Variants in NRCAM observed in about 807,000 individuals in gnomAD.
NRCAM encodes the protein neuronal cell adhesion molecule.
A neutral mutation model predicts 156.5 loss-of-function variants in NRCAM; 83 were observed. That is an observed-to-expected ratio of 0.53 (90% confidence interval 0.44 to 0.64). NRCAM has a LOEUF of 0.64. Among genes scored for constraint, NRCAM ranks in the 30% least tolerant of loss-of-function variants. The pLI is 0.00. For missense variants in NRCAM, 1,417 were observed against 1,597.3 expected (o/e 0.89, Z 1.92); for synonymous variants, 538 against 563.9 (o/e 0.95, Z 0.65).
chr7:108,310,324 C>T (rs2098785010), intron 3 of NRCAM, among the ~76,000 whole-genome samples: 1 of 152,172 alleles, frequency 6.6e-6, no homozygotes, highest in Non-Finnish European at 1.5e-5. Context: ...TATCAAAATG[C>T]CACCACTAGC....
intron 20 of NRCAM, among the ~76,000 whole-genome samples, chr7:108,185,171 T>G (rs536330515): frequency 6.6e-6 from 1 of 152,120 alleles, no homozygotes; most frequent in Non-Finnish European, 1.5e-5. Flanking sequence ...TTCTCTGACT[T>G]TGTAGGAAGT....
intron 32 of NRCAM, among the ~76,000 whole-genome samples, chr7:108,153,024 G>A (rs550634242): frequency 3.9e-5 from 6 of 152,044 alleles, no homozygotes; most frequent in Non-Finnish European, 7.4e-5. Context: ...TGTTGGGAGG[G>A]GAAAATCAAT....
At chr7:108,231,819 G>A (rs1038173738) in intron 7 of NRCAM, among the ~76,000 whole-genome samples, 1 of 152,040 alleles carries the variant, frequency 6.6e-6, no homozygotes, top group Non-Finnish European at 1.5e-5. Context: ...TGAAAAATGT[G>A]ACTGTTATTT....
intron 26 of NRCAM, among the ~76,000 whole-genome samples, chr7:108,177,669 GTGTATA>G (rs1563273124): frequency 1.0e-3 from 17 of 16,692 alleles, no homozygotes; most frequent in African/African-American, 1.6e-3. Flanking sequence ...ATGTATATAC[GTGTATA>G]TATATACGTG....
In NRCAM at chr7:108,195,887, A is replaced by G. The variant is rs781454134; in HGVS notation, c.1352-15T>C. 2 of 1,484,580 alleles carry G rather than the reference A, an allele frequency of 1.3e-6. No individual in the cohort carries two copies. The highest frequency in any genetic ancestry group is 2.3e-5 in the East Asian group (1 of 43,798). The allele number at this position is 1,484,580 out of a possible 1,614,324, so 92.0% of individuals were successfully genotyped here. On this transcript the variant is annotated splice_polypyrimidine_tract_variant and intron_variant, in intron 14 of 32. Transcript: ENST00000379028. ...TGGTGGCTCAGCTACAAATATTTTT[A>G]AAAGGTAAAGTAAATATTAGAATAC...
chr7:108,426,005 G>A (rs576816774), intron 1 of NRCAM, among the ~76,000 whole-genome samples: 6 of 152,172 alleles, frequency 3.9e-5, no homozygotes, highest in Non-Finnish European at 8.8e-5. Flanking sequence ...TTTTTTTAAT[G>A]TATATCATAC....
At chr7:108,152,433 A>C (rs2042219528) in intron 32 of NRCAM, among the ~76,000 whole-genome samples, 1 of 151,916 alleles carries the variant, frequency 6.6e-6, no homozygotes, top group Non-Finnish European at 1.5e-5. Flanking sequence ...AGAGAGAGAG[A>C]GAGAAAAGTA....
chr7:108,443,026 T>C (rs1312380348), intron 1 of NRCAM, among the ~76,000 whole-genome samples: 2 of 152,214 alleles, frequency 1.3e-5, no homozygotes, highest in Non-Finnish European at 2.9e-5. Flanking sequence ...AAAGAACATA[T>C]TCACCAGGAG....
chr7:108,192,180 GGGTGT>G (rs2072262740), intron 17 of NRCAM, among the ~76,000 whole-genome samples: 1 of 152,170 alleles, frequency 6.6e-6, no homozygotes, highest in Non-Finnish European at 1.5e-5. Flanking sequence ...CTGCTCTAGA[GGGTGT>G]GGTAGGAGTT....
At chr7:108,192,854 C>T (rs1197417792) in intron 17 of NRCAM, among the ~76,000 whole-genome samples, 1 of 152,128 alleles carries the variant, frequency 6.6e-6, no homozygotes, top group Admixed American at 6.5e-5. Flanking sequence ...CTCTCTAAGA[C>T]TTTTCTAGAG....
intron 1 of NRCAM, among the ~76,000 whole-genome samples, chr7:108,430,865 C>T (rs906285822): frequency 6.6e-6 from 1 of 152,082 alleles, no homozygotes. Flanking sequence ...TCTTCAACAG[C>T]GTTTGGTAGC....
chr7:108,235,086 A>C (rs1054947359), intron 5 of NRCAM, among the ~76,000 whole-genome samples: 1 of 152,196 alleles, frequency 6.6e-6, no homozygotes, highest in Non-Finnish European at 1.5e-5. Context: ...CTTAAGAAAG[A>C]GTAACAGACT....
intron 9 of NRCAM, 46 bp downstream of exon 9, chr7:108,226,161 AT>A (rs1340982239): frequency 7.3e-7 from 1 of 1,373,740 alleles, no homozygotes; most frequent in East Asian, 2.3e-5. Context: ...TTTTGCACAT[AT>A]TTGTAAATGT....
chr7:108,334,749 C>T (rs1293312252), intron 2 of NRCAM, among the ~76,000 whole-genome samples: 1 of 152,138 alleles, frequency 6.6e-6, no homozygotes, highest in African/African-American at 2.4e-5. Context: ...AAGGAGGGAA[C>T]AGGCTACCAA....
Position 108,167,588 on chromosome 7 carries a change from C to T in NRCAM, c.3314-515G>A, listed in dbSNP as rs534647553. ...CGTCATTTCTAAAAACATTTACTTG[C>T]ATGATAAAGGCTTAAACAGAAAGTT... On this transcript the variant is annotated intron_variant, in intron 29 of 32. Transcript: ENST00000379028. 1.5e-4 allele frequency among the ~76,000 whole-genome samples: 23 copies of T among 152,320 alleles called. 1 individual carries two copies. In the South Asian group the frequency reaches 4.8e-3, roughly 32 times the overall value.
intron 1 of NRCAM, among the ~76,000 whole-genome samples, chr7:108,435,185 T>C (rs1428599584): frequency 6.6e-6 from 1 of 152,214 alleles, no homozygotes; most frequent in Admixed American, 6.5e-5. Flanking sequence ...ATTTCTCAAC[T>C]AATAGATAAT....
rs140499787 is a variant in NRCAM at position 108,393,563 on chromosome 7, TCTCA to T, written c.-174+5869_-174+5872del. ...AGGTGATGCCTCACCTTGCTTCGGC[TCTCA>T]CTCAGTGGGCTGCACCCACTGTCCT... On this transcript the variant is annotated intron_variant, in intron 2 of 32. Coordinates refer to ENST00000379028, the MANE Select transcript of NRCAM (RefSeq NM_001037132.4). 1.1e-3 allele frequency among the ~76,000 whole-genome samples: 161 copies of T among 152,180 alleles called. 1 individual carries two copies. The highest frequency in any genetic ancestry group is 3.6e-3 in the African/African-American group (151 of 41,524).
chr7:108,279,639 C>T (rs2097778586), intron 3 of NRCAM, among the ~76,000 whole-genome samples: 1 of 136,554 alleles, frequency 7.3e-6, no homozygotes, highest in African/African-American at 2.6e-5. Flanking sequence ...CTGCCCTCCC[C>T]ACCCACCCCA....
chr7:108,364,202 A>G (rs2099577739), intron 2 of NRCAM, among the ~76,000 whole-genome samples: 1 of 152,236 alleles, frequency 6.6e-6, no homozygotes, highest in Non-Finnish European at 1.5e-5. Flanking sequence ...AAAGGATTTG[A>G]ACAGACGTTT....
Sources: allele counts gnomAD v4.1 joint callset (sites outside exome capture counted in the v4.1 genomes callset), GRCh38; gene constraint gnomAD v4.1.1; transcripts MANE v1.5; gene names NCBI Gene and HGNC (gene_info 2026-07-23, HGNC 2026-07-21).